The following ATG10 variants were observed in gnomAD, a reference collection of about 807,000 sequenced individuals.
The protein encoded by ATG10 is autophagy related 10, also known as ubiquitin-like-conjugating enzyme ATG10.
ATG10 carries 30 observed loss-of-function variants against 32.1 expected under a neutral mutation model. That is an observed-to-expected ratio of 0.94 (90% CI 0.70 to 1.27). The LOEUF (loss-of-function observed/expected upper bound fraction) is 1.27. Among genes scored for constraint, ATG10 ranks in the 50% most tolerant of loss-of-function variants. ATG10 has a pLI of 0.00. For missense variants in ATG10, 233 were observed against 262.3 expected (o/e 0.89, Z 0.77); for synonymous variants, 87 against 91.5 (o/e 0.95, Z 0.28).
chr5:82,092,028 A>G (rs1326727338), intron 3 of ATG10, among the ~76,000 whole-genome samples: 1 of 152,226 alleles, frequency 6.6e-6, no homozygotes, highest in African/African-American at 2.4e-5. Flanking sequence ...TAAAGTATGC[A>G]TATACTTCAA....
intron 3 of ATG10, among the ~76,000 whole-genome samples, chr5:82,138,915 C>T (rs1277999872): frequency 8.1e-4 from 111 of 136,726 alleles, no homozygotes; most frequent in Admixed American, 9.1e-4. Flanking sequence ...CGAAGCTGGA[C>T]TGTACTGCTG....
chr5:82,115,101 T>C (rs1032494860), intron 3 of ATG10, among the ~76,000 whole-genome samples: 1 of 152,060 alleles, frequency 6.6e-6, no homozygotes, highest in African/African-American at 2.4e-5. Flanking sequence ...AACCACAGAA[T>C]TAACTAACTT....
At chr5:82,030,661 G>T (rs1231081164) in intron 2 of ATG10, among the ~76,000 whole-genome samples, 1 of 152,114 alleles carries the variant, frequency 6.6e-6, no homozygotes, top group African/African-American at 2.4e-5. Context: ...GTTCATACAA[G>T]ATTTCCTTTC....
rs1484450403 is a variant in ATG10, at chr5:82,222,240, T to A, written c.454-30322T>A. Among the ~76,000 whole-genome samples, 3 of 152,206 alleles carry A rather than the reference T, an allele frequency of 2.0e-5. No individual in the cohort carries two copies. In the East Asian group the frequency reaches 5.8e-4, roughly 29 times the overall value. Reference sequence around the variant, plus strand: ...TTAAATGGGAAGTGGTATAAAATAGTGATTAAGAGCCTTTGATTTTACAGC... The same window carrying A: ...TTAAATGGGAAGTGGTATAAAATAGAGATTAAGAGCCTTTGATTTTACAGC... On this transcript the variant is annotated intron_variant, in intron 5 of 7. Coordinates refer to ENST00000282185, the MANE Select transcript of ATG10 (RefSeq NM_031482.5).
At chr5:82,238,751 T>C (rs921937529) in intron 5 of ATG10, among the ~76,000 whole-genome samples, 2 of 152,304 alleles carry the variant, frequency 1.3e-5, no homozygotes, top group South Asian at 2.1e-4. Context: ...TGATGTTTAC[T>C]GAATGCATAA....
At chr5:82,158,776 C>A (rs1159356592) in intron 3 of ATG10, among the ~76,000 whole-genome samples, 8 of 152,130 alleles carry the variant, frequency 5.3e-5, no homozygotes, top group African/African-American at 1.9e-4. Context: ...TTATGATGTT[C>A]AGAACATCAG....
intron 5 of ATG10, among the ~76,000 whole-genome samples, chr5:82,184,549 C>T (rs1744373915): frequency 6.6e-6 from 1 of 152,062 alleles, no homozygotes; most frequent in African/African-American, 2.4e-5. Flanking sequence ...TCATCTCTGT[C>T]ACCCTCGCTG....
In ATG10 at chr5:82,018,362, C is replaced by T. The variant is rs34357702; in HGVS notation, c.108+30684C>T. ...TCTGTCATCATCTTCCCTGCTACCA[C>T]CCTGGTATAAACTATCGTCAACTCT... On this transcript the variant is annotated intron_variant, in intron 2 of 7. Transcript: ENST00000282185. 8.5e-3 allele frequency among the ~76,000 whole-genome samples: 1,294 copies of T among 152,252 alleles called. 16 individuals are homozygous for T. Among genetic ancestry groups the T allele is most frequent in the African/African-American group, 0.029 (1,219 of 41,528 alleles).
intron 5 of ATG10, among the ~76,000 whole-genome samples, chr5:82,249,790 A>G (rs1278372738): frequency 6.6e-6 from 1 of 152,232 alleles, no homozygotes; most frequent in African/African-American, 2.4e-5. Context: ...AGTAAAGTCC[A>G]TGTCTTTACA....
chr5:82,227,420 G>T (rs1399557675), intron 5 of ATG10, among the ~76,000 whole-genome samples: 1 of 151,538 alleles, frequency 6.6e-6, no homozygotes, highest in Non-Finnish European at 1.5e-5. Flanking sequence ...TGTCATCCAG[G>T]CTGGAGTGCA....
intron 5 of ATG10, among the ~76,000 whole-genome samples, chr5:82,214,247 C>G (rs1261641166): frequency 6.6e-6 from 1 of 152,124 alleles, no homozygotes; most frequent in African/African-American, 2.4e-5. Context: ...AAAAATGTAA[C>G]TGATCTTCAG....
intron 4 of ATG10, among the ~76,000 whole-genome samples, chr5:82,173,508 G>C (rs1743882164): frequency 6.6e-6 from 1 of 152,104 alleles, no homozygotes. Flanking sequence ...TAGCTTAAAT[G>C]TGTATTATCA....
chr5:82,202,981 C>T (rs528279313), intron 5 of ATG10, among the ~76,000 whole-genome samples: 16 of 152,110 alleles, frequency 1.1e-4, no homozygotes, highest in Non-Finnish European at 1.8e-4. Context: ...GTAATCCCAG[C>T]GCTTTGGAGG....
intron 5 of ATG10, among the ~76,000 whole-genome samples, chr5:82,233,287 A>G (rs1183585619): frequency 1.3e-5 from 2 of 152,138 alleles, no homozygotes; most frequent in African/African-American, 4.8e-5. Flanking sequence ...TGACACCATC[A>G]CCAATGTTCT....
At chr5:82,030,050 A>G (rs1423195944) in intron 2 of ATG10, among the ~76,000 whole-genome samples, 1 of 152,124 alleles carries the variant, frequency 6.6e-6, no homozygotes, top group Non-Finnish European at 1.5e-5. Flanking sequence ...GTCTCCTTCT[A>G]AATTCCCACC....
At chr5:82,249,540 C>T (rs1180006125) in intron 5 of ATG10, among the ~76,000 whole-genome samples, 2 of 152,142 alleles carry the variant, frequency 1.3e-5, no homozygotes, top group Non-Finnish European at 2.9e-5. Context: ...AGGTACTGTT[C>T]TATGTACTTC....
At chr5:81,996,460 G>A (rs868808467) in intron 2 of ATG10, among the ~76,000 whole-genome samples, 4 of 152,036 alleles carry the variant, frequency 2.6e-5, no homozygotes, top group African/African-American at 7.2e-5. Context: ...GGCTGGTCTC[G>A]AACTCCTGGC....
chr5:82,176,563 T>TAC (rs143244485), intron 4 of ATG10, among the ~76,000 whole-genome samples: 5 of 151,806 alleles, frequency 3.3e-5, no homozygotes, highest in African/African-American at 7.3e-5. Flanking sequence ...CCCACACCAA[T>TAC]ACACACACAC....
chr5:81,993,336 C>CTTCCTTCCTTCT (rs1554039310), intron 2 of ATG10, among the ~76,000 whole-genome samples: 23 of 77,726 alleles, frequency 3.0e-4, no homozygotes, highest in African/African-American at 1.4e-3. Flanking sequence ...TCCTTCCTTC[C>CTTCCTTCCTTCT]TTCTTTCTTT....
Sources: gnomAD v4.1 joint callset for allele counts (sites outside exome capture counted in the v4.1 genomes callset) on GRCh38, gnomAD v4.1.1 for gene constraint, MANE v1.5 for transcripts, NCBI Gene and HGNC (gene_info 2026-07-23, HGNC 2026-07-21) for gene names.